Variants in RARA observed in about 807,000 individuals in gnomAD.
RARA encodes the protein retinoic acid receptor alpha.
RARA carries 5 observed loss-of-function variants against 42.8 expected under a neutral mutation model. The ratio of observed to expected loss-of-function variants is 0.12; its 90% CI spans 0.06 to 0.25. The LOEUF is 0.25. RARA is among the 10% of genes least tolerant of loss of function. RARA has a pLI of 1.00. For missense variants in RARA, 402 were observed against 628.7 expected, an observed-to-expected ratio of 0.64 and a Z score of 3.86; for synonymous variants, 256 against 259.5, an observed-to-expected ratio of 0.99 and a Z score of 0.13.
chr17:40,343,153 C>A, intron 2 of RARA: 2 of 393,952 alleles, frequency 5.1e-6, no homozygotes, highest in Non-Finnish European at 8.2e-6. Context: ...AGAAATGAAG[C>A]CCAAGCCCCT....
intron 2 of RARA, chr17:40,341,360 C>A: frequency 6.9e-7 from 1 of 1,445,726 alleles, no homozygotes; most frequent in South Asian, 1.4e-5. Flanking sequence ...CCCGCGCTGC[C>A]GCGTCGGGTT....
chr17:40,319,367 C>T (rs551871594), intron 1 of RARA, among the ~76,000 whole-genome samples: 4 of 152,272 alleles, frequency 2.6e-5, no homozygotes, highest in African/African-American at 9.6e-5. Context: ...CACCCTCCAT[C>T]CTGTCTTGGA....
chr17:40,314,404 A>G (rs866649658), intron 1 of RARA, among the ~76,000 whole-genome samples: 63 of 151,878 alleles, frequency 4.1e-4, no homozygotes, highest in South Asian at 8.3e-4. Context: ...TGCTGCCAGG[A>G]CATGTTAAAG....
At chr17:40,322,567 C>T (rs1212595144) in intron 1 of RARA, among the ~76,000 whole-genome samples, 5 of 152,124 alleles carry the variant, frequency 3.3e-5, no homozygotes, top group Non-Finnish European at 5.9e-5. Context: ...GCCCTCCCCC[C>T]GGAGCCTCTG....
Position 40,351,553 on chromosome 17 carries a change from A to G in RARA, c.470-357A>G, listed in dbSNP as rs1299772120. The stretch of plus-strand genomic sequence containing the variant: ...CTGGGTGAGTGGAGGCGGGAGAAGG[A>G]CCTTCCTGGGGAAAGAGGAGGCAGA... On this transcript the variant is annotated intron_variant, in intron 4 of 8. Transcript: ENST00000254066. The surrounding 1 kb of genome is among the most constrained non-coding windows in gnomAD (Gnocchi z 4.1). The G allele has an allele frequency of 1.1e-5, 5 of 473,312 alleles. No homozygotes were observed. The highest frequency in any genetic ancestry group is 2.1e-5 in the Non-Finnish European group (5 of 233,578). 29.3% of individuals were successfully genotyped at this position (473,312 alleles called of 1,614,324 possible).
Position 40,357,005 on chromosome 17 carries a change from C to G in RARA, c.*779C>G, listed in dbSNP as rs190326404. 2 of 387,782 alleles carry G rather than the reference C, an allele frequency of 5.2e-6. No individual in the cohort carries two copies. The highest frequency in any genetic ancestry group is 8.8e-5 in the Admixed American group (2 of 22,814). The allele number at this position is 387,782 out of a possible 1,614,324, so 24.0% of individuals were successfully genotyped here. On this transcript the variant is annotated 3_prime_UTR_variant, in exon 9 of 9. Coordinates refer to ENST00000254066, the MANE Select transcript of RARA (RefSeq NM_000964.4). ...CTTTCCAAGGCCTGCCTTCCCCTCC[C>G]TCCCACTGGAGAAGCCGCCAGCCCC...
intron 1 of RARA, among the ~76,000 whole-genome samples, chr17:40,318,796 T>G (rs993403169): frequency 1.3e-5 from 2 of 152,256 alleles, no homozygotes; most frequent in Admixed American, 1.3e-4. Context: ...CAAACCTGTT[T>G]GGGGAGAGAT....
chr17:40,343,341 C>T (rs1271344095), intron 2 of RARA, among the ~76,000 whole-genome samples: 2 of 152,210 alleles, frequency 1.3e-5, no homozygotes, highest in Non-Finnish European at 2.9e-5. Context: ...CTGCCCCCAG[C>T]CCTTGCTCTT....
intron 1 of RARA, among the ~76,000 whole-genome samples, chr17:40,314,969 G>A (rs2033163871): frequency 6.6e-6 from 1 of 151,754 alleles, no homozygotes; most frequent in Non-Finnish European, 1.5e-5. Flanking sequence ...AGGCAAGGAT[G>A]GCGCTTCTCC....
chr17:40,341,043 T>G (rs903808277), intron 2 of RARA: 1 of 400,516 alleles, frequency 2.5e-6, no homozygotes, highest in African/African-American at 2.1e-5. Context: ...AGCATGTACA[T>G]TTCCATCCTT....
chr17:40,351,836 C>G lies in RARA; in HGVS notation c.470-74C>G. 10 of 1,551,778 alleles carry G rather than the reference C, an allele frequency of 6.4e-6. No individual in the cohort carries two copies. The highest frequency in any genetic ancestry group is 2.3e-5 in the Admixed American group (1 of 44,372). Reference sequence around the variant, plus strand: ...GTGACCTCCTCAGCAGCTGGCAGCTCTCTGTCAGGCTGGGGGTGGACGAGG... The same window carrying G: ...GTGACCTCCTCAGCAGCTGGCAGCTGTCTGTCAGGCTGGGGGTGGACGAGG... On this transcript the variant is annotated intron_variant, in intron 4 of 8. Coordinates refer to ENST00000254066, the MANE Select transcript of RARA (RefSeq NM_000964.4). The surrounding 1 kb of genome is among the most constrained non-coding windows in gnomAD (Gnocchi z 4.1).
intron 2 of RARA, among the ~76,000 whole-genome samples, chr17:40,335,733 G>A (rs543538750): frequency 1.7e-4 from 26 of 151,712 alleles, no homozygotes; most frequent in Non-Finnish European, 3.1e-4. Flanking sequence ...CACTGGCTGC[G>A]TGCAGTGGCG....
chr17:40,331,506 C>T (rs1430707962), intron 2 of RARA, 110 bp downstream of exon 2: 34 of 1,288,308 alleles, frequency 2.6e-5, no homozygotes, highest in Middle Eastern at 2.0e-4. Flanking sequence ...GCACGGTGAG[C>T]GACAAGGTCT....
chr17:40,311,675 C>T (rs1032258792), intron 1 of RARA, among the ~76,000 whole-genome samples: 6 of 152,194 alleles, frequency 3.9e-5, no homozygotes, highest in Non-Finnish European at 5.9e-5. Context: ...CTGGGCTGGG[C>T]GCCAGGACTC....
chr17:40,321,299 C>A (rs1198097588), intron 1 of RARA, among the ~76,000 whole-genome samples: 1 of 151,962 alleles, frequency 6.6e-6, no homozygotes, highest in Non-Finnish European at 1.5e-5. Flanking sequence ...GTGTCTCTTG[C>A]TTCGTCTGGA....
intron 2 of RARA, among the ~76,000 whole-genome samples, chr17:40,334,945 G>A (rs909031556): frequency 3.9e-5 from 6 of 152,124 alleles, no homozygotes; most frequent in African/African-American, 1.2e-4. Flanking sequence ...CCTAGAGATG[G>A]TCCGGCGATT....
At chr17:40,350,093 G>GT in intron 4 of RARA, 168 bp downstream of exon 4, 1 of 1,075,168 alleles carries the variant, frequency 9.3e-7, no homozygotes, top group Non-Finnish European at 1.3e-6. Flanking sequence ...GCAAGGACCT[G>GT]TTTGCGAGTC....
At chr17:40,343,041 C>A in intron 2 of RARA, 1 of 1,329,256 alleles carries the variant, frequency 7.5e-7, no homozygotes, top group Non-Finnish European at 9.8e-7. Context: ...ACCCTCCCCC[C>A]AGTAACCCTA....
chr17:40,355,859 T>G lies in RARA; in HGVS notation c.1172-150T>G. 2.6e-6 allele frequency: 2 copies of G among 774,158 alleles called. No homozygotes were observed. The highest frequency in any genetic ancestry group is 4.1e-6 in the Non-Finnish European group (2 of 487,474). 48.0% of individuals were successfully genotyped at this position (774,158 alleles called of 1,614,324 possible). A position where few individuals can be genotyped will look rare whatever the true frequency, so the allele number is the denominator to read the frequency against. ...CCACCAGCCTCTGGACCTGGGGGCT[T>G]AAGAGAGCTGGCTCGTGTCAAAGAA... is the stretch of plus-strand genomic sequence containing the variant. On this transcript the variant is annotated intron_variant, in intron 8 of 8. Coordinates refer to ENST00000254066, the MANE Select transcript of RARA (RefSeq NM_000964.4). The surrounding 1 kb of genome is among the most constrained non-coding windows in gnomAD (Gnocchi z 4.1).
Sources: gnomAD v4.1 joint callset for allele counts (sites outside exome capture counted in the v4.1 genomes callset) on GRCh38, gnomAD v4.1.1 for gene constraint, Gnocchi (gnomAD v3.1) non-coding constraint, MANE v1.5 for transcripts, NCBI Gene and HGNC (gene_info 2026-07-23, HGNC 2026-07-21) for gene names.